The following SLC5A1 variants were observed in gnomAD, a reference collection of about 807,000 sequenced individuals.
The protein encoded by SLC5A1 is sodium/glucose cotransporter 1.
Under a neutral mutation model 73.5 loss-of-function variants are expected in SLC5A1, and 42 were observed. The observed-to-expected ratio is 0.57, with a 90% CI of 0.45 to 0.74. The LOEUF is 0.74. SLC5A1 is among the 30% of genes least tolerant of loss of function. The pLI, the probability that SLC5A1 is intolerant of heterozygous loss-of-function variation, is 0.00. For missense variants in SLC5A1, 634 were observed against 855.4 expected (o/e 0.74, Z 3.23); for synonymous variants, 300 against 317.4 (o/e 0.95, Z 0.58).
At chr22:32,054,729 G>A (rs2093949354) in intron 2 of SLC5A1, among the ~76,000 whole-genome samples, 1 of 152,146 alleles carries the variant, frequency 6.6e-6, no homozygotes, top group Non-Finnish European at 1.5e-5. Flanking sequence ...CTGGAGTGCA[G>A]TGGTGCAATC....
intron 2 of SLC5A1, among the ~76,000 whole-genome samples, chr22:32,053,972 A>G (rs4821029): frequency 0.045 from 6,820 of 152,236 alleles, 205 homozygotes; most frequent in Non-Finnish European, 0.07. Flanking sequence ...TTGGGAGTTC[A>G]AGACCAGCTG....
chr22:32,097,822 C>A (rs2094028831), intron 11 of SLC5A1, among the ~76,000 whole-genome samples: 1 of 151,930 alleles, frequency 6.6e-6, no homozygotes, highest in Non-Finnish European at 1.5e-5. Context: ...TCAAAGACAC[C>A]ATTAATCAAG....
At chr22:32,066,799 C>T (rs1372757823) in intron 2 of SLC5A1, 136 bp from the exon 3 acceptor site, 2 of 691,716 alleles carry the variant, frequency 2.9e-6, no homozygotes, top group Non-Finnish European at 5.4e-6. Context: ...CTGATGATTC[C>T]AGCACAGTTT....
chr22:32,086,233 T>C lies in SLC5A1; in HGVS notation c.1035T>C (p.Cys345=), dbSNP rs748418690. 5.6e-6 allele frequency: 9 copies of C among 1,613,342 alleles called. No homozygotes were observed. In the Admixed American group the frequency reaches 1.5e-4, roughly 27 times the overall value. The change falls in exon 10 of 15, where the codon TGT becomes TGC. Residue 345 remains cysteine, a synonymous_variant. Coordinates refer to ENST00000266088, the MANE Select transcript of SLC5A1 (RefSeq NM_000343.4). Reference sequence around the variant, plus strand: ...ATCTCTTCCCAGAAAAAATTGCCTGTGTCGTCCCTTCAGAATGTGAGAAAT... The same window carrying C: ...ATCTCTTCCCAGAAAAAATTGCCTGCGTCGTCCCTTCAGAATGTGAGAAAT... ...SRILYTEKIA[C]VVPSECEKYC...
chr22:32,106,950 A>C (rs1224236816), intron 14 of SLC5A1, among the ~76,000 whole-genome samples: 4 of 152,214 alleles, frequency 2.6e-5, no homozygotes, highest in Non-Finnish European at 5.9e-5. Context: ...TACCTGGGGA[A>C]AGAGCCCTAG....
In SLC5A1 at chr22:32,084,873, C is replaced by A. The variant is rs373255666; in HGVS notation, c.886-27C>A. 16 of 1,613,528 alleles carry A rather than the reference C, an allele frequency of 9.9e-6. No individual in the cohort carries two copies. In the Admixed American group the frequency reaches 1.3e-4, roughly 13 times the overall value. On this transcript the variant is annotated intron_variant, in intron 8 of 14. Transcript: ENST00000266088. ...TGTCACAGGGTCTCTGGTCTGCACA[C>A]CTCCCTTACTGGGCTTTTTCTGGCA...
At chr22:32,061,420 A>C (rs573605826) in intron 2 of SLC5A1, among the ~76,000 whole-genome samples, 1 of 152,274 alleles carries the variant, frequency 6.6e-6, no homozygotes, top group Non-Finnish European at 1.5e-5. Context: ...GTCTTAAAAA[A>C]AAAAAAAGTC....
intron 2 of SLC5A1, among the ~76,000 whole-genome samples, chr22:32,065,389 T>A (rs530748994): frequency 6.6e-6 from 1 of 152,322 alleles, no homozygotes; most frequent in Admixed American, 6.5e-5. Flanking sequence ...ATGATTAACT[T>A]TTTTGTCATT....
At chr22:32,100,355 A>T (rs1603142434) in intron 12 of SLC5A1, among the ~76,000 whole-genome samples, 1 of 152,156 alleles carries the variant, frequency 6.6e-6, no homozygotes, top group Non-Finnish European at 1.5e-5. Flanking sequence ...GCTGTCTAGG[A>T]CTTCCAGTAC....
rs2094058168 is a variant in SLC5A1 at position 32,112,081 on chromosome 22, T to C, written c.*1868T>C. On this transcript the variant is annotated 3_prime_UTR_variant, in exon 15 of 15. Coordinates refer to ENST00000266088, the MANE Select transcript of SLC5A1 (RefSeq NM_000343.4). ...GTGATCAATGTCCTTGAACCTTCAT[T>C]TTTCATCTGAAAACAGAGACATAAA... 1 of 152,178 alleles carries C rather than the reference T, an allele frequency of 6.6e-6. No individual in the cohort carries two copies. The highest frequency in any genetic ancestry group is 1.5e-5 in the Non-Finnish European group (1 of 68,026). The allele number at this position is 152,178 out of a possible 1,614,324, so 9.4% of individuals were successfully genotyped here. A position where few individuals can be genotyped will look rare whatever the true frequency, so the allele number is the denominator to read the frequency against.
intron 1 of SLC5A1, among the ~76,000 whole-genome samples, chr22:32,049,360 A>G (rs892246661): frequency 6.7e-6 from 1 of 148,706 alleles, no homozygotes; most frequent in Non-Finnish European, 1.5e-5. Context: ...TTCTGGTAAC[A>G]AAGATATAAC....
At chr22:32,057,432 A>T (rs1447578695) in intron 2 of SLC5A1, among the ~76,000 whole-genome samples, 1 of 151,988 alleles carries the variant, frequency 6.6e-6, no homozygotes, top group East Asian at 1.9e-4. Context: ...CACCCAGTTA[A>T]TTTTTTATTT....
intron 1 of SLC5A1, among the ~76,000 whole-genome samples, chr22:32,049,209 ATATCTATATCTATATC>A (rs2093941934): frequency 7.5e-6 from 1 of 133,012 alleles, no homozygotes; most frequent in African/African-American, 2.6e-5. Context: ...ATCTATATCT[ATATCTATATCTATATC>A]TATATATATG....
At chr22:32,078,041 G>A (rs530036068) in intron 5 of SLC5A1, among the ~76,000 whole-genome samples, 75 of 152,174 alleles carry the variant, frequency 4.9e-4, no homozygotes, top group Non-Finnish European at 8.1e-4. Flanking sequence ...TAGAATATGC[G>A]CATCATTTTG....
intron 2 of SLC5A1, among the ~76,000 whole-genome samples, chr22:32,060,214 G>A (rs2093960147): frequency 1.4e-5 from 2 of 147,480 alleles, no homozygotes; most frequent in East Asian, 2.0e-4. Flanking sequence ...TTTAAGAGAT[G>A]GAACTTTGCT....
Position 32,053,184 on chromosome 22 carries a change from C to T in SLC5A1, c.207+3170C>T, listed in dbSNP as rs2093947283. Among the ~76,000 whole-genome samples, 4 of 152,028 alleles carry T rather than the reference C, an allele frequency of 2.6e-5. No homozygotes were observed. In the South Asian group the frequency reaches 6.2e-4, roughly 24 times the overall value. ...GAGGTTTTGCAAAACTTGGTAGTTCCCCATTGGTATATTTTGGGTGGGAGC... is the reference window on the plus strand; with the variant it reads ...GAGGTTTTGCAAAACTTGGTAGTTCTCCATTGGTATATTTTGGGTGGGAGC... On this transcript the variant is annotated intron_variant, in intron 2 of 14. Coordinates refer to ENST00000266088, the MANE Select transcript of SLC5A1 (RefSeq NM_000343.4).
At chr22:32,053,258 T>C (rs758739081) in intron 2 of SLC5A1, among the ~76,000 whole-genome samples, 6 of 152,270 alleles carry the variant, frequency 3.9e-5, no homozygotes, top group East Asian at 1.9e-4. Flanking sequence ...TCTTCCTCCT[T>C]CTTATTTTTC....
intron 3 of SLC5A1, among the ~76,000 whole-genome samples, chr22:32,067,356 TTTTTTTAAAAAA>T (rs1569304678): frequency 8.5e-6 from 1 of 118,180 alleles, no homozygotes; most frequent in Non-Finnish European, 1.8e-5. Context: ...TTATTATTAT[TTTTTTTAAAAAA>T]ATTTTTATTA....
intron 2 of SLC5A1, among the ~76,000 whole-genome samples, chr22:32,051,886 T>C (rs1180396766): frequency 6.6e-6 from 1 of 152,248 alleles, no homozygotes; most frequent in Non-Finnish European, 1.5e-5. Flanking sequence ...TGGATGTGGC[T>C]GACTTTATTT....
Sources: gnomAD v4.1 joint callset for allele counts (sites outside exome capture counted in the v4.1 genomes callset) on GRCh38, gnomAD v4.1.1 for gene constraint, MANE v1.5 for transcripts, NCBI Gene and HGNC (gene_info 2026-07-23, HGNC 2026-07-21) for gene names.